PCDHA7: variants seen among roughly 807,000 people sequenced by gnomAD.
PCDHA7 encodes protocadherin alpha-7.
A neutral mutation model predicts 57.2 loss-of-function variants in PCDHA7; 37 were observed. The ratio of observed to expected loss-of-function variants is 0.65; its 90% CI spans 0.50 to 0.85. The LOEUF (loss-of-function observed/expected upper bound fraction) is 0.85. PCDHA7 is among the 40% of genes least tolerant of loss of function. PCDHA7 has a pLI of 0.00. For synonymous variants in PCDHA7, 553 were observed against 558.8 expected (o/e 0.99, Z 0.15); for missense variants, 1,188 against 1,241.8 (o/e 0.96, Z 0.65).
At chr5:140,845,460 T>C (rs1432281352) in intron 1 of PCDHA7, among the ~76,000 whole-genome samples, 1 of 149,744 alleles carries the variant, frequency 6.7e-6, no homozygotes, top group Non-Finnish European at 1.5e-5. Context: ...AACTCTCTGA[T>C]ATTTGAATTT....
chr5:140,995,245 A>G (rs2097671494), intron 3 of PCDHA7, among the ~76,000 whole-genome samples: 1 of 152,194 alleles, frequency 6.6e-6, no homozygotes, highest in African/African-American at 2.4e-5. Flanking sequence ...ATTAAGTAAA[A>G]TAAGGGTACT....
intron 1 of PCDHA7, among the ~76,000 whole-genome samples, chr5:140,918,826 C>T (rs200767772): frequency 2.0e-5 from 3 of 149,724 alleles, no homozygotes; most frequent in African/African-American, 7.4e-5. Flanking sequence ...AAGTGGCCCC[C>T]TCCCCAGACA....
Position 140,894,936 on chromosome 5 carries a change from A to G in PCDHA7, c.2355+58198A>G, listed in dbSNP as rs560165058. Among the ~76,000 whole-genome samples the G allele has an allele frequency of 3.5e-4, 53 of 152,142 alleles. 1 individual carries two copies. The highest frequency in any genetic ancestry group is 5.6e-4 in the Non-Finnish European group (38 of 68,020). On this transcript the variant is annotated intron_variant, in intron 1 of 3. Transcript: ENST00000525929. ...TTGCTCTATAGATTTCTATTCAGCTATTGTCATGAAATGATAAAAATATAA... is the reference window on the plus strand; with the variant it reads ...TTGCTCTATAGATTTCTATTCAGCTGTTGTCATGAAATGATAAAAATATAA...
chr5:140,835,974 T>A lies in PCDHA7; in HGVS notation c.1591T>A (p.Leu531Met), dbSNP rs782216011. The A allele has an allele frequency of 6.2e-7, 1 of 1,612,180 alleles. No individual in the cohort carries two copies. The highest frequency in any genetic ancestry group is 1.3e-5 in the African/African-American group (1 of 74,908). Reference protein sequence around the residue: ...QPLDHEELELLQFQVSARDAG... With the variant: ...QPLDHEELELMQFQVSARDAG... ...GTTGGACCACGAGGAGCTGGAGCTG[T>A]TGCAGTTCCAGGTGAGCGCGCGCGA... Residue 531 changes from leucine to methionine, a missense_variant, in exon 1 of 4, where the codon TTG becomes ATG. Physicochemically the swap from Leu to Met is conservative, Grantham distance 15. Around this residue, in one of 3 missense-constraint regions of PCDHA7, gnomAD observed 892 missense variants for 788.5 expected, o/e 1.13. Coordinates refer to ENST00000525929, the MANE Select transcript of PCDHA7 (RefSeq NM_018910.3).
chr5:140,928,605 C>T, intron 1 of PCDHA7: 1 of 1,614,208 alleles, frequency 6.2e-7, no homozygotes, highest in South Asian at 1.1e-5. Flanking sequence ...AAATTGTGCC[C>T]CGCTCTGCCA....
intron 1 of PCDHA7, among the ~76,000 whole-genome samples, chr5:140,954,835 A>G (rs1256515583): frequency 1.3e-5 from 2 of 152,146 alleles, no homozygotes; most frequent in Admixed American, 6.5e-5. Flanking sequence ...TTTTGTCATG[A>G]AATCTTTGCC....
chr5:141,006,105 G>T (rs2098255059), intron 3 of PCDHA7, among the ~76,000 whole-genome samples: 1 of 143,364 alleles, frequency 7.0e-6, no homozygotes. Context: ...ATGGTAAGGA[G>T]TTTTTTTTTT....
intron 1 of PCDHA7, chr5:140,881,374 G>A: frequency 3.0e-6 from 3 of 984,938 alleles, no homozygotes; most frequent in Non-Finnish European, 3.6e-6. Flanking sequence ...ATGAATTGCA[G>A]CCGGCGGCGG....
In PCDHA7 at chr5:140,967,370, G is replaced by A. The variant is rs1554229504; in HGVS notation, c.2356-11579G>A. ...CGAGCTGGACCTTAAGCCCCTGCAGGAGAACAGTAAAGTGCTTGAGCTGGT... is the reference window on the plus strand; with the variant it reads ...CGAGCTGGACCTTAAGCCCCTGCAGAAGAACAGTAAAGTGCTTGAGCTGGT... On this transcript the variant is annotated intron_variant, in intron 1 of 3. Transcript: ENST00000525929. The A allele has an allele frequency of 3.1e-6, 5 of 1,607,662 alleles. No individual in the cohort carries two copies. The South Asian group carries it at 3.3e-5, about 11-fold the overall frequency.
In PCDHA7 at chr5:141,005,428, G is replaced by T. The variant is rs907211430; in HGVS notation, c.2504-4199G>T. On this transcript the variant is annotated intron_variant, in intron 3 of 3. Transcript: ENST00000525929. ...AGAGTGAGGAGTCATGCTAAGAATG[G>T]ATGAGAGGCTCACGCCTGTAATCCC... Among the ~76,000 whole-genome samples, 21 of 152,154 alleles carry T rather than the reference G, an allele frequency of 1.4e-4. 1 individual carries two copies. The highest frequency in any genetic ancestry group is 1.2e-3 in the Admixed American group (19 of 15,266).
At chr5:140,846,228 T>C (rs1397135837) in intron 1 of PCDHA7, among the ~76,000 whole-genome samples, 1 of 149,604 alleles carries the variant, frequency 6.7e-6, no homozygotes, top group Non-Finnish European at 1.5e-5. Flanking sequence ...AGTATTTTTC[T>C]TAAAAAGAAG....
intron 1 of PCDHA7, among the ~76,000 whole-genome samples, chr5:140,900,220 A>G (rs2067832167): frequency 6.6e-6 from 1 of 152,132 alleles, no homozygotes; most frequent in South Asian, 2.1e-4. Context: ...GTTGTTGCAA[A>G]TGACTGGATC....
intron 1 of PCDHA7, among the ~76,000 whole-genome samples, chr5:140,921,646 G>T (rs957810883): frequency 6.6e-6 from 1 of 152,124 alleles, no homozygotes; most frequent in Admixed American, 6.5e-5. Context: ...GCTATTTTAA[G>T]GGAACTTAAT....
intron 1 of PCDHA7, chr5:140,853,701 C>T: frequency 1.0e-6 from 1 of 987,936 alleles, no homozygotes; most frequent in Non-Finnish European, 1.2e-6. Context: ...CCTGCTAACG[C>T]ATTAGCATTA....
Position 140,834,306 on chromosome 5 carries a change from T to G in PCDHA7, c.-78T>G. 1 of 1,335,582 alleles carries G rather than the reference T, an allele frequency of 7.5e-7. No individual in the cohort carries two copies. Among genetic ancestry groups the G allele is most frequent in the Non-Finnish European group, 1.0e-6 (1 of 967,418 alleles). 82.7% of individuals were successfully genotyped at this position (1,335,582 alleles called of 1,614,324 possible). A position where few individuals can be genotyped will look rare whatever the true frequency, so the allele number is the denominator to read the frequency against. On this transcript the variant is annotated 5_prime_UTR_variant, in exon 1 of 4. In the 5' UTR this introduces an upstream ATG that the reference lacks. Coordinates refer to ENST00000525929, the MANE Select transcript of PCDHA7 (RefSeq NM_018910.3). ...CACAACAATGGCCACACATCGAGAT[T>G]GAAATGAAGGGATAAAAACATTCCT... is the stretch of plus-strand genomic sequence containing the variant.
chr5:140,870,854 T>G, intron 1 of PCDHA7: 4 of 1,613,784 alleles, frequency 2.5e-6, no homozygotes, highest in Non-Finnish European at 3.4e-6. Flanking sequence ...CCGCGGTCGG[T>G]GGGTGCGGGC....
rs1773277984 is a variant in PCDHA7, at chr5:140,834,773, T to G, written c.390T>G (p.Pro130=). ...DVEVKDINDN[P]PVFPATQRNL... ...AGGTGAAGGACATTAACGACAACCCTCCGGTGTTCCCAGCGACACAAAGGA... is the reference window on the plus strand; with the variant it reads ...AGGTGAAGGACATTAACGACAACCCGCCGGTGTTCCCAGCGACACAAAGGA... The change falls in exon 1 of 4, where the codon CCT becomes CCG. Residue 130 remains proline, a synonymous_variant. Coordinates refer to ENST00000525929, the MANE Select transcript of PCDHA7 (RefSeq NM_018910.3). The G allele has an allele frequency of 1.9e-6, 3 of 1,613,730 alleles. No homozygotes were observed. Among genetic ancestry groups the G allele is most frequent in the African/African-American group, 1.3e-5 (1 of 74,812 alleles).
rs374159724 is a variant in PCDHA7 at position 140,856,795 on chromosome 5, G to T, written c.2355+20057G>T. The T allele has an allele frequency of 2.1e-5, 34 of 1,595,942 alleles. 4 individuals are homozygous for T. Among genetic ancestry groups the T allele is most frequent in the Non-Finnish European group, 2.7e-5 (32 of 1,165,996 alleles). ...TTGACAGACCGGTTTATGAAGTTAA[G>T]ATGTATGAAAATCAAGTGAACCAAA... On this transcript the variant is annotated intron_variant, in intron 1 of 3. Transcript: ENST00000525929.
chr5:141,009,717 A>C lies in PCDHA7; in HGVS notation c.2594A>C (p.Gln865Pro). Residue 865 changes from glutamine to proline, a missense_variant, in exon 4 of 4, where the codon CAA becomes CCA. Coordinates refer to ENST00000525929, the MANE Select transcript of PCDHA7 (RefSeq NM_018910.3). ...AAATACGGACCAGGCAACCCCAAAC[A>C]ATCCGGTCCCGGTGAGTTGCCCGAC... ...TFKYGPGNPK[Q>P]SGPGELPDKF... is the part of the protein sequence containing the mutation. 4 of 1,614,058 alleles carry C rather than the reference A, an allele frequency of 2.5e-6. No homozygotes were observed. The highest frequency in any genetic ancestry group is 3.4e-6 in the Non-Finnish European group (4 of 1,180,004).
Sources: gnomAD v4.1 joint callset for allele counts (sites outside exome capture counted in the v4.1 genomes callset) on GRCh38, gnomAD v4.1.1 for gene constraint, gnomAD v4.1.1 regional missense constraint, MANE v1.5 for transcripts, NCBI Gene and HGNC (gene_info 2026-07-23, HGNC 2026-07-21) for gene names.